The following HERC2 variants were observed in gnomAD, a reference collection of about 807,000 sequenced individuals.
HERC2 encodes the protein HECT and RLD domain containing E3 ubiquitin protein ligase 2.
In HERC2, 102 loss-of-function variants were observed where a neutral mutation model predicts 537.7. The observed-to-expected ratio is 0.19, with a 90% CI of 0.16 to 0.22. The LOEUF (loss-of-function observed/expected upper bound fraction) is 0.22, where lower values mean the gene tolerates loss of function less well. HERC2 is among the 10% of genes least tolerant of loss of function. The probability of loss-of-function intolerance (pLI) is 1.00; values close to 1 mark genes in which losing one functional copy is unlikely to be tolerated. For missense variants in HERC2, 4,236 were observed against 6,198.2 expected (o/e 0.68, Z 10.63); for synonymous variants, 2,224 against 2,466.2 (o/e 0.90, Z 2.91).
At chr15:28,296,629 G>T (rs1282505749) in intron 3 of HERC2, among the ~76,000 whole-genome samples, 1 of 150,630 alleles carries the variant, frequency 6.6e-6, no homozygotes, top group African/African-American at 2.5e-5. Flanking sequence ...AACAAATACT[G>T]GAGGGCTAGG....
chr15:28,209,081 T>C (rs1898818309), intron 44 of HERC2, among the ~76,000 whole-genome samples: 1 of 152,132 alleles, frequency 6.6e-6, no homozygotes, highest in African/African-American at 2.4e-5. Flanking sequence ...CCACCAAAGA[T>C]TACTGGGTCA....
rs1034237121 is a variant in HERC2 at position 28,142,720 on chromosome 15, C to T, written c.11544+107G>A. ...TCATATTTGACTTCAGCAATACCTA[C>T]AGCTGCCCTCAGAGGCCTAAAACAC... On this transcript the variant is annotated intron_variant, in intron 75 of 92. Coordinates refer to ENST00000261609, the MANE Select transcript of HERC2 (RefSeq NM_004667.6). 4 of 1,241,702 alleles carry T rather than the reference C, an allele frequency of 3.2e-6. No individual in the cohort carries two copies. The African/African-American group carries it at 6.0e-5, about 19-fold the overall frequency. The allele number at this position is 1,241,702 out of a possible 1,614,324, so 76.9% of individuals were successfully genotyped here. A position where few individuals can be genotyped will look rare whatever the true frequency, so the allele number is the denominator to read the frequency against.
Position 28,176,815 on chromosome 15 carries a change from A to G in HERC2, c.9433-47T>C, listed in dbSNP as rs1180091980. 2.5e-6 allele frequency: 4 copies of G among 1,596,430 alleles called. No homozygotes were observed. The East Asian group carries it at 8.9e-5, about 36-fold the overall frequency. On this transcript the variant is annotated intron_variant, in intron 61 of 92. Transcript: ENST00000261609. This position sits in a 1 kb window ranked among gnomAD's most constrained non-coding sequence, Gnocchi z 5.0. Reference sequence around the variant, plus strand: ...AACAGAATCACGCACAGGCACGGAGAAAGCAATGGATTTTCCCACAGATAA... The same window carrying G: ...AACAGAATCACGCACAGGCACGGAGGAAGCAATGGATTTTCCCACAGATAA...
intron 83 of HERC2, 37 bp from the exon 84 acceptor site, chr15:28,125,230 T>G: frequency 6.5e-7 from 1 of 1,542,940 alleles, no homozygotes; most frequent in Non-Finnish European, 9.0e-7. Context: ...ACCTGTATAC[T>G]AGGGCCAACA....
chr15:28,180,425 T>A (rs1895716241), intron 57 of HERC2, among the ~76,000 whole-genome samples: 2 of 152,238 alleles, frequency 1.3e-5, no homozygotes, highest in African/African-American at 4.8e-5. Context: ...TACTAATATG[T>A]ATGGTTACAT....
At chr15:28,136,794 G>T (rs1215774550) in intron 78 of HERC2, among the ~76,000 whole-genome samples, 1 of 152,176 alleles carries the variant, frequency 6.6e-6, no homozygotes, top group Non-Finnish European at 1.5e-5. Flanking sequence ...GCCCTTTACA[G>T]AAAGTGTTTA....
chr15:28,270,506 G>A (rs1292696223), intron 10 of HERC2, among the ~76,000 whole-genome samples, 189 bp downstream of exon 10: 1 of 152,048 alleles, frequency 6.6e-6, no homozygotes, highest in Admixed American at 6.6e-5. Context: ...CCAGGCCTGT[G>A]CGCCTCAGCT....
chr15:28,169,393 T>A, intron 66 of HERC2, 91 bp downstream of exon 66: 1 of 902,774 alleles, frequency 1.1e-6, no homozygotes, highest in Non-Finnish European at 1.7e-6. Context: ...ACAACATTCT[T>A]GGAGACATCT....
chr15:28,198,479 G>A lies in HERC2; in HGVS notation c.7910C>T (p.Ser2637Phe), dbSNP rs750116019. 3.1e-6 allele frequency: 5 copies of A among 1,614,024 alleles called. No homozygotes were observed. Among genetic ancestry groups the A allele is most frequent in the African/African-American group, 1.3e-5 (1 of 75,034 alleles). Residue 2637 changes from serine to phenylalanine, a missense_variant, in exon 50 of 93, where the codon TCT (serine) becomes TTT (phenylalanine). Ser to Phe is a radical substitution (Grantham distance 155, BLOSUM62 -2). Transcript: ENST00000261609. ...CACTTTATCACCAATCTTGATGTGAGAAGAAGAACTTGGTGGAGGATAGCC... is the reference window on the plus strand; with the variant it reads ...CACTTTATCACCAATCTTGATGTGAAAAGAAGAACTTGGTGGAGGATAGCC... The part of the protein sequence containing the change: ...LIGYPPPSSS[S>F]HIKIGDKVRV...
chr15:28,301,606 G>A (rs1185157570), intron 2 of HERC2, among the ~76,000 whole-genome samples: 17 of 147,258 alleles, frequency 1.2e-4, no homozygotes, highest in African/African-American at 3.7e-4. Context: ...TCTGAAAACT[G>A]CGTATGCGAC....
intron 5 of HERC2, 78 bp downstream of exon 5, chr15:28,279,990 C>T (rs2075980308): frequency 8.7e-7 from 1 of 1,152,524 alleles, no homozygotes; most frequent in South Asian, 1.5e-5. Context: ...ATATTGAAAA[C>T]CTTAAACTTT....
rs916977 is a variant in HERC2, at chr15:28,268,218, T to C, written c.1598+247A>G. On this transcript the variant is annotated intron_variant, in intron 12 of 92. Coordinates refer to ENST00000261609, the MANE Select transcript of HERC2 (RefSeq NM_004667.6). The surrounding 1 kb of genome is among the most constrained non-coding windows in gnomAD (Gnocchi z 4.7). ...ACAGTGGGGATGCAGTTTGAGTAGATAGAAGGCTGGCCAAGGCTGCACGGG... is the reference window on the plus strand; with the variant it reads ...ACAGTGGGGATGCAGTTTGAGTAGACAGAAGGCTGGCCAAGGCTGCACGGG... 0.61 allele frequency among the ~76,000 whole-genome samples: 92,204 copies of C among 152,056 alleles called. 34,714 individuals carry two copies. Among genetic ancestry groups the C allele is most frequent in the Non-Finnish European group, 0.85 (57,496 of 68,004 alleles).
intron 2 of HERC2, among the ~76,000 whole-genome samples, chr15:28,309,867 T>TACC (rs1186423627): frequency 6.6e-6 from 1 of 152,246 alleles, no homozygotes; most frequent in African/African-American, 2.4e-5. Context: ...TCAGTTTTTG[T>TACC]AGAAGGAACA....
At chr15:28,223,253 C>T (rs1596271812) in intron 35 of HERC2, among the ~76,000 whole-genome samples, 1 of 152,128 alleles carries the variant, frequency 6.6e-6, no homozygotes, top group East Asian at 1.9e-4. Context: ...TTTAACCCCC[C>T]TTTTCCCACT....
In HERC2 at chr15:28,205,022, C is replaced by T. The variant is rs1224315968; in HGVS notation, c.7212+1218G>A. Among the ~76,000 whole-genome samples the T allele has an allele frequency of 1.1e-3, 171 of 149,576 alleles. 1 individual carries two copies. The highest frequency in any genetic ancestry group is 3.7e-3 in the African/African-American group (146 of 39,092). ...CAGCTTCAGCAAATTTCAAGGAGGA[C>T]GGTGGGGTGGGCGGGGTGTGCCACC... On this transcript the variant is annotated intron_variant, in intron 45 of 92. Transcript: ENST00000261609.
At chr15:28,184,014 C>T (rs935059035) in intron 56 of HERC2, among the ~76,000 whole-genome samples, 2 of 152,044 alleles carry the variant, frequency 1.3e-5, no homozygotes, top group East Asian at 1.9e-4. Flanking sequence ...ACGGTGAAAC[C>T]TCATTTCTAC....
intron 4 of HERC2, among the ~76,000 whole-genome samples, chr15:28,286,960 T>C (rs866902704): frequency 7.9e-5 from 12 of 151,996 alleles, no homozygotes; most frequent in Non-Finnish European, 1.5e-4. Context: ...GATGGATGAA[T>C]AGAGGGACAA....
intron 23 of HERC2, among the ~76,000 whole-genome samples, chr15:28,240,529 T>G (rs936342892): frequency 6.6e-6 from 1 of 152,242 alleles, no homozygotes; most frequent in Non-Finnish European, 1.5e-5. Context: ...TAGATTCATT[T>G]TACTATTTTT....
chr15:28,273,191 C>T, intron 7 of HERC2, 187 bp from the exon 8 acceptor site: 1 of 612,710 alleles, frequency 1.6e-6, no homozygotes, highest in Non-Finnish European at 2.9e-6. Flanking sequence ...TTAGCTTACA[C>T]AACTATATTT....
Sources: allele counts gnomAD v4.1 joint callset (sites outside exome capture counted in the v4.1 genomes callset), GRCh38; gene constraint gnomAD v4.1.1; non-coding constraint Gnocchi (gnomAD v3.1); transcripts MANE v1.5; gene names NCBI Gene and HGNC (gene_info 2026-07-23, HGNC 2026-07-21).